Variants in LMBR1 observed in about 807,000 individuals in gnomAD.
The protein encoded by LMBR1 is limb region 1 protein homolog.
LMBR1 carries 52 observed loss-of-function variants against 73.9 expected under a neutral mutation model. The ratio of observed to expected loss-of-function variants is 0.70; its 90% CI spans 0.56 to 0.89. LMBR1 has a LOEUF of 0.89. Among genes scored for constraint, LMBR1 ranks in the 40% least tolerant of loss-of-function variants. The pLI is 0.00. For missense variants in LMBR1, 539 were observed against 579.8 expected (o/e 0.93, Z 0.72); for synonymous variants, 215 against 209.4 (o/e 1.03, Z -0.23).
intron 1 of LMBR1, among the ~76,000 whole-genome samples, chr7:156,872,664 C>G (rs756302563): frequency 8.6e-5 from 13 of 151,684 alleles, no homozygotes; most frequent in Admixed American, 3.3e-4. Context: ...AAAAAACAAC[C>G]TAAGAATAAA....
At chr7:156,884,605 C>A (rs1323308412) in intron 1 of LMBR1, among the ~76,000 whole-genome samples, 3 of 152,180 alleles carry the variant, frequency 2.0e-5, no homozygotes, top group Non-Finnish European at 4.4e-5. Flanking sequence ...CTTCCTTAAA[C>A]CCTTCCCAAA....
At chr7:156,845,586 G>T (rs1427409892) in intron 1 of LMBR1, among the ~76,000 whole-genome samples, 1 of 151,916 alleles carries the variant, frequency 6.6e-6, no homozygotes, top group African/African-American at 2.4e-5. Flanking sequence ...GACTCAGAAG[G>T]GTTGAAAATC....
At chr7:156,715,033 C>T (rs1330467673) in intron 15 of LMBR1, among the ~76,000 whole-genome samples, 1 of 151,360 alleles carries the variant, frequency 6.6e-6, no homozygotes. Context: ...GTCACTGTAG[C>T]CTCTGCTGCC....
intron 5 of LMBR1, among the ~76,000 whole-genome samples, chr7:156,776,480 T>C (rs928658699): frequency 2.0e-5 from 3 of 152,138 alleles, no homozygotes; most frequent in African/African-American, 7.2e-5. Flanking sequence ...CACCCACACA[T>C]GCATTGATCC....
intron 15 of LMBR1, among the ~76,000 whole-genome samples, chr7:156,716,121 T>TA (rs1437738416): frequency 6.6e-6 from 1 of 152,158 alleles, no homozygotes; most frequent in Non-Finnish European, 1.5e-5. Context: ...TTAAGGAACA[T>TA]AAAGTTTCAT....
chr7:156,845,585 G>C, intron 1 of LMBR1, among the ~76,000 whole-genome samples: 1 of 152,004 alleles, frequency 6.6e-6, no homozygotes, highest in Admixed American at 6.5e-5. Flanking sequence ...TGACTCAGAA[G>C]GGTTGAAAAT....
chr7:156,843,055 T>G (rs1838994388), intron 1 of LMBR1, among the ~76,000 whole-genome samples: 1 of 152,174 alleles, frequency 6.6e-6, no homozygotes. Context: ...AAAATTACAC[T>G]TCATGATTTT....
At chr7:156,770,439 A>G (rs1650907685) in intron 5 of LMBR1, among the ~76,000 whole-genome samples, 1 of 152,234 alleles carries the variant, frequency 6.6e-6, no homozygotes, top group African/African-American at 2.4e-5. Context: ...ATGCAATCAT[A>G]GGCCAACTAA....
intron 1 of LMBR1, among the ~76,000 whole-genome samples, chr7:156,865,087 G>A (rs76793960): frequency 0.24 from 36,975 of 151,228 alleles, 5,066 homozygotes; most frequent in East Asian, 0.42. Flanking sequence ...CAGGAGGATC[G>A]CTTGAGCTCA....
At chr7:156,671,760 C>G in intron 4 of LMBR1, among the ~76,000 whole-genome samples, 1 of 152,184 alleles carries the variant, frequency 6.6e-6, no homozygotes, top group South Asian at 2.1e-4. Context: ...ATGTCACCAT[C>G]TTTATGTCCA....
chr7:156,856,649 G>C (rs1797009802), intron 1 of LMBR1, among the ~76,000 whole-genome samples: 1 of 151,470 alleles, frequency 6.6e-6, no homozygotes, highest in African/African-American at 2.4e-5. Context: ...CTGAATCTGA[G>C]AGGCAGAGGT....
At chr7:156,674,166 G>A (rs62491035), downstream of LMBR1, among the ~76,000 whole-genome samples, 2,995 of 152,286 alleles carry the variant, frequency 0.02, 38 homozygotes, top group Non-Finnish European at 0.032. Flanking sequence ...CCAGAGCTTC[G>A]GTCTCATAGG....
intron 4 of LMBR1, among the ~76,000 whole-genome samples, chr7:156,811,145 A>C (rs543366101): frequency 6.6e-6 from 1 of 152,160 alleles, no homozygotes; most frequent in African/African-American, 2.4e-5. Context: ...CTATGTCCTC[A>C]AATTCATTAA....
In LMBR1 at chr7:156,808,302, T is replaced by G. The variant is rs528964513; in HGVS notation, c.320-11810A>C. 1.1e-4 allele frequency among the ~76,000 whole-genome samples: 16 copies of G among 152,324 alleles called. No homozygotes were observed. In the South Asian group the frequency reaches 3.1e-3, roughly 30 times the overall value. The stretch of plus-strand genomic sequence containing the variant: ...TTAGGCAGATATATGCTAAGTATCA[T>G]TAGGCTCTTTGGGTGAACAAACCAC... On this transcript the variant is annotated intron_variant, in intron 4 of 16. Coordinates refer to ENST00000353442, the MANE Select transcript of LMBR1 (RefSeq NM_022458.4).
intron 9 of LMBR1, among the ~76,000 whole-genome samples, chr7:156,743,394 G>A (rs537512091): frequency 1.4e-4 from 21 of 152,176 alleles, no homozygotes; most frequent in South Asian, 6.2e-4. Flanking sequence ...GTTTTCATCC[G>A]TAAAAGGGGG....
At chr7:156,817,788 G>T (rs1371541257) in intron 4 of LMBR1, among the ~76,000 whole-genome samples, 2 of 151,982 alleles carry the variant, frequency 1.3e-5, no homozygotes. Context: ...ATTTTTTGAT[G>T]CAGCTACCTA....
At chr7:156,821,325 C>A (rs569473078) in intron 4 of LMBR1, among the ~76,000 whole-genome samples, 1 of 152,174 alleles carries the variant, frequency 6.6e-6, no homozygotes, top group East Asian at 1.9e-4. Flanking sequence ...AATCAGCTGA[C>A]GGAGGAAGAC....
At chr7:156,853,260 G>T (rs1456770771) in intron 1 of LMBR1, among the ~76,000 whole-genome samples, 1 of 151,970 alleles carries the variant, frequency 6.6e-6, no homozygotes, top group Admixed American at 6.6e-5. Flanking sequence ...ATTTTTTATT[G>T]TAAGTTGCCA....
chr7:156,761,445 CAA>C (rs1030579678), intron 8 of LMBR1, among the ~76,000 whole-genome samples: 2 of 152,048 alleles, frequency 1.3e-5, no homozygotes, highest in Non-Finnish European at 2.9e-5. Flanking sequence ...AATATGCAGA[CAA>C]ATTTTCAGAA....
Sources: allele counts gnomAD v4.1 joint callset (sites outside exome capture counted in the v4.1 genomes callset), GRCh38; gene constraint gnomAD v4.1.1; transcripts MANE v1.5; gene names NCBI Gene and HGNC (gene_info 2026-07-23, HGNC 2026-07-21).